Variants in PTPRH observed in about 807,000 individuals in gnomAD.
The protein encoded by PTPRH is protein tyrosine phosphatase receptor type H.
Under a neutral mutation model 130.2 loss-of-function variants are expected in PTPRH, and 113 were observed. That is an observed-to-expected ratio of 0.87 (90% confidence interval 0.75 to 1.01). The LOEUF (loss-of-function observed/expected upper bound fraction) is 1.01. Among genes scored for constraint, PTPRH ranks in the 50% least tolerant of loss-of-function variants. The probability of loss-of-function intolerance (pLI) is 0.00; values close to 1 mark genes in which losing one functional copy is unlikely to be tolerated. For missense variants in PTPRH, 1,430 were observed against 1,425.0 expected (o/e 1.00, Z -0.06); for synonymous variants, 556 against 577.9 (o/e 0.96, Z 0.54).
chr19:55,206,707 T>A lies in PTPRH; in HGVS notation c.334A>T (p.Thr112Ser). The change falls in exon 3 of 20, where the codon ACT becomes TCT. Residue 112 changes from threonine (T) to serine (S), a missense_variant. Thr to Ser is a moderately conservative substitution (Grantham distance 58, BLOSUM62 1). Coordinates refer to ENST00000376350, the MANE Select transcript of PTPRH (RefSeq NM_002842.5). The part of the protein sequence containing the change: ...EKDGVNSSVG[T>S]VTTATAPNPV... ...CTCTTACCTGTGGCAGTAGTGACAG[T>A]CCCCACAGAGCTATTTACTCCGTCT... 6.2e-7 allele frequency: 1 copy of A among 1,602,944 alleles called. No individual in the cohort carries two copies. Among genetic ancestry groups the A allele is most frequent in the Non-Finnish European group, 8.5e-7 (1 of 1,171,442 alleles).
At chr19:55,198,610 A>G (rs2086758683) in intron 8 of PTPRH, 33 bp downstream of exon 8, 3 of 1,531,902 alleles carry the variant, frequency 2.0e-6, no homozygotes, top group Non-Finnish European at 1.8e-6. Context: ...CCCCATCCTA[A>G]TAGGGCTGGG....
intron 18 of PTPRH, 108 bp from the exon 19 acceptor site, chr19:55,182,259 C>T: frequency 7.7e-7 from 1 of 1,303,620 alleles, no homozygotes; most frequent in East Asian, 2.3e-5. Flanking sequence ...ACTATGCCTG[C>T]TCACACCTGT....
intron 3 of PTPRH, among the ~76,000 whole-genome samples, chr19:55,206,117 C>G (rs2087043740): frequency 6.6e-6 from 1 of 151,894 alleles, no homozygotes; most frequent in Admixed American, 6.6e-5. Context: ...CCTGTAGTCT[C>G]TGCTACTCGG....
chr19:55,196,041 T>C (rs2086670172), intron 10 of PTPRH, among the ~76,000 whole-genome samples: 1 of 152,102 alleles, frequency 6.6e-6, no homozygotes, highest in African/African-American at 2.4e-5. Context: ...TTGATAGTGA[T>C]GATGGTTGCA....
chr19:55,201,327 C>A lies in PTPRH; in HGVS notation c.1153+729G>T, dbSNP rs548096143. On this transcript the variant is annotated intron_variant, in intron 6 of 19. Coordinates refer to ENST00000376350, the MANE Select transcript of PTPRH (RefSeq NM_002842.5). The stretch of plus-strand genomic sequence containing the variant: ...AGGAATTTGAGGCTGCAGCGAGCTA[C>A]GATCCTGCCACTGCACTCCAGCCTG... Among the ~76,000 whole-genome samples the A allele has an allele frequency of 2.5e-4, 37 of 150,790 alleles. 1 individual carries two copies. In the South Asian group the frequency reaches 7.6e-3, roughly 31 times the overall value.
rs950550736 is a variant in PTPRH, at chr19:55,207,175, T to C, written c.76A>G (p.Arg26Gly). ...LLGLCSWTGA[R>G]APAPNPGRNL... Reference sequence around the variant, plus strand: ...GGCAGGGGTCACTCACCAGGCGCCCTGGCCCCTGTCCAGCTGCACAGGCCC... The same window carrying C: ...GGCAGGGGTCACTCACCAGGCGCCCCGGCCCCTGTCCAGCTGCACAGGCCC... The change falls in exon 2 of 20, where the codon AGG (arginine) becomes GGG (glycine). Residue 26 changes from arginine to glycine, a missense_variant. Arg to Gly is a moderately radical substitution (Grantham distance 125, BLOSUM62 -2). Coordinates refer to ENST00000376350, the MANE Select transcript of PTPRH (RefSeq NM_002842.5). 6.2e-7 allele frequency: 1 copy of C among 1,613,416 alleles called. No individual in the cohort carries two copies. The highest frequency in any genetic ancestry group is 8.5e-7 in the Non-Finnish European group (1 of 1,179,808).
At chr19:55,199,046 T>A in intron 7 of PTPRH, 134 bp from the exon 8 acceptor site, 2 of 910,446 alleles carry the variant, frequency 2.2e-6, no homozygotes, top group Non-Finnish European at 2.9e-6. Flanking sequence ...GGCTCAGGCC[T>A]GTAATCCCAG....
At position 55,200,349 on chromosome 19, in the gene PTPRH, G is replaced by C; in HGVS notation, c.1307C>G (p.Thr436Arg). 1 of 1,614,186 alleles carries C rather than the reference G, an allele frequency of 6.2e-7. No individual in the cohort carries two copies. Among genetic ancestry groups the C allele is most frequent in the South Asian group, 1.1e-5 (1 of 91,072 alleles). ...TCTCTCAGCTGTCACACTGGTATTT[G>C]TTGTGTTTCGGGTCTCTGTGCCACC... ...DGGGTETRNTTNTSVTAERLE... is the reference protein window; with the variant it reads ...DGGGTETRNTRNTSVTAERLE... Residue 436 changes from threonine to arginine, a missense_variant, in exon 7 of 20, where the codon ACA becomes AGA. By Grantham distance (71) the Thr-to-Arg change is moderately conservative. Transcript: ENST00000376350.
rs927826553 is a variant in PTPRH at position 55,187,001 on chromosome 19, T to TGCCACTTCA, written c.2567-470_2567-462dup. Among the ~76,000 whole-genome samples the TGCCACTTCA allele has an allele frequency of 4.3e-5, 6 of 138,926 alleles. No individual in the cohort carries two copies. In the Admixed American group the frequency reaches 4.4e-4, roughly 10 times the overall value. The allele number at this position is 138,926 out of a possible 152,430, so 91.1% of individuals were successfully genotyped here. On this transcript the variant is annotated intron_variant, in intron 14 of 19. Transcript: ENST00000376350. ...TGGAGGTTGCAGTGAGCGGAGGTGG[T>TGCCACTTCA]GCCACTTCACTCCAGCCTGGGTGAC...
In PTPRH at chr19:55,197,419, G is replaced by C; in HGVS notation, c.1691-3C>G. On this transcript the variant is annotated splice_region_variant and splice_polypyrimidine_tract_variant and intron_variant, in intron 8 of 19. Transcript: ENST00000376350. ...GAGATCTGTGACCTCATTGGGAGCT[G>C]AGAAGTGAGAACAGAGGCCTAAGGG... The C allele has an allele frequency of 2.5e-6, 4 of 1,610,248 alleles. No homozygotes were observed. The highest frequency in any genetic ancestry group is 3.4e-6 in the Non-Finnish European group (4 of 1,176,884).
chr19:55,194,207 T>C, intron 10 of PTPRH: 1 of 1,289,738 alleles, frequency 7.8e-7, no homozygotes. Context: ...TCCCAAGATC[T>C]GTCATTAGAT....
At chr19:55,189,655 C>T (rs1396606911) in intron 12 of PTPRH, 2 of 455,916 alleles carry the variant, frequency 4.4e-6, no homozygotes, top group Admixed American at 4.7e-5. Context: ...TCTTAGTCAT[C>T]TTGTTAGCAA....
intron 6 of PTPRH, among the ~76,000 whole-genome samples, chr19:55,201,286 C>A (rs569622479): frequency 5.3e-5 from 8 of 151,908 alleles, no homozygotes; most frequent in African/African-American, 1.9e-4. Context: ...CTGAGGTCGG[C>A]GGATTGCTTC....
Position 55,199,767 on chromosome 19 carries a change from A to AAG in PTPRH, c.1420+467_1420+468dup, listed in dbSNP as rs537168209. On this transcript the variant is annotated intron_variant, in intron 7 of 19. Coordinates refer to ENST00000376350, the MANE Select transcript of PTPRH (RefSeq NM_002842.5). ...AGAGAAGGAAAGAAAGAGAAAGAGA[A>AAG]AGAAAGAAAGAGAGAGAGACAGAAA... Among the ~76,000 whole-genome samples, 1,193 of 150,078 alleles carry AAG rather than the reference A, an allele frequency of 7.9e-3. 11 individuals carry two copies. The highest frequency in any genetic ancestry group is 0.014 in the Middle Eastern group (4 of 286).
chr19:55,191,583 G>C, intron 11 of PTPRH, 35 bp from the exon 12 acceptor site: 1 of 1,613,404 alleles, frequency 6.2e-7, no homozygotes, highest in Non-Finnish European at 8.5e-7. Flanking sequence ...AGGCTCAGGG[G>C]GTGAGGCTGC....
chr19:55,195,041 T>A (rs2086643863), intron 10 of PTPRH, among the ~76,000 whole-genome samples: 1 of 152,016 alleles, frequency 6.6e-6, no homozygotes, highest in Non-Finnish European at 1.5e-5. Flanking sequence ...AATTTAAAAA[T>A]TAGCTGGGCA....
At chr19:55,205,974 T>A (rs1305513982) in intron 3 of PTPRH, among the ~76,000 whole-genome samples, 1 of 152,200 alleles carries the variant, frequency 6.6e-6, no homozygotes, top group African/African-American at 2.4e-5. Flanking sequence ...GGCTCACACC[T>A]GTAATCCCCG....
rs1456011290 is a variant in PTPRH at position 55,186,269 on chromosome 19, T to A, written c.2734A>T (p.Ser912Cys). 1.9e-6 allele frequency: 3 copies of A among 1,613,716 alleles called. No individual in the cohort carries two copies. The highest frequency in any genetic ancestry group is 2.5e-6 in the Non-Finnish European group (3 of 1,179,864). Residue 912 changes from serine (S) to cysteine (C), a missense_variant, in exon 16 of 20, where the codon AGC (serine) becomes TGC (cysteine). Ser to Cys is a moderately radical substitution (Grantham distance 112). Transcript: ENST00000376350. The stretch of plus-strand genomic sequence containing the variant: ...TTGGTCAGCATGACCAGGGTGTGGC[T>A]CTGCTGTTCCCACACCAGGCGCCAG... Reference protein sequence around the residue: ...DFWRLVWEQQSHTLVMLTNCM... With the variant: ...DFWRLVWEQQCHTLVMLTNCM...
intron 7 of PTPRH, 121 bp from the exon 8 acceptor site, chr19:55,199,033 A>G (rs2086776313): frequency 4.9e-6 from 5 of 1,025,392 alleles, no homozygotes; most frequent in South Asian, 3.5e-5. Context: ...GGCAGGGCAC[A>G]GTGGCTCAGG....
Sources: gnomAD v4.1 joint callset for allele counts (sites outside exome capture counted in the v4.1 genomes callset) on GRCh38, gnomAD v4.1.1 for gene constraint, MANE v1.5 for transcripts, NCBI Gene and HGNC (gene_info 2026-07-23, HGNC 2026-07-21) for gene names.